Variants in MMP16 observed in about 807,000 individuals in gnomAD.
MMP16 encodes the protein matrix metalloproteinase-16.
In MMP16, 12 loss-of-function variants were observed where a neutral mutation model predicts 67.8. The ratio of observed to expected loss-of-function variants is 0.18; its 90% CI spans 0.11 to 0.29. The LOEUF (loss-of-function observed/expected upper bound fraction) is 0.29. Among genes scored for constraint, MMP16 ranks in the 10% least tolerant of loss-of-function variants. MMP16 has a pLI of 1.00. For missense variants in MMP16, 475 were observed against 765.7 expected (o/e 0.62, Z 4.48); for synonymous variants, 249 against 255.9 (o/e 0.97, Z 0.26).
chr8:88,185,788 A>C (rs1420403675), intron 3 of MMP16, among the ~76,000 whole-genome samples: 1 of 152,062 alleles, frequency 6.6e-6, no homozygotes, highest in East Asian at 1.9e-4. Context: ...TTTCTCTTGC[A>C]TCCTGTCCTT....
rs564606682 is a variant in MMP16 at position 88,233,577 on chromosome 8, C to A, written c.133-36271G>T. On this transcript the variant is annotated intron_variant, in intron 1 of 9. Transcript: ENST00000286614. ...TGATTCCACTAACCAGATACAAAGTCATTTTGTTTTAATTCCAAGAGCACA... is the reference window on the plus strand; with the variant it reads ...TGATTCCACTAACCAGATACAAAGTAATTTTGTTTTAATTCCAAGAGCACA... Among the ~76,000 whole-genome samples, 14 of 152,294 alleles carry A rather than the reference C, an allele frequency of 9.2e-5. No individual in the cohort carries two copies. The South Asian group carries it at 2.9e-3, about 32-fold the overall frequency.
intron 1 of MMP16, among the ~76,000 whole-genome samples, chr8:88,299,015 T>C (rs1811057765): frequency 2.0e-5 from 3 of 152,132 alleles, no homozygotes; most frequent in Admixed American, 2.0e-4. Context: ...TTTTTCTTTT[T>C]GGAATTCATC....
intron 7 of MMP16, among the ~76,000 whole-genome samples, chr8:88,068,910 C>A (rs1808498991): frequency 1.3e-5 from 2 of 152,176 alleles, no homozygotes; most frequent in Admixed American, 1.3e-4. Flanking sequence ...CCATGTTGGC[C>A]AGGCTGGTCT....
chr8:88,043,864 A>G (rs1808165380), intron 9 of MMP16, among the ~76,000 whole-genome samples: 1 of 152,340 alleles, frequency 6.6e-6, no homozygotes, highest in Admixed American at 6.5e-5. Context: ...GGCCTGCCAA[A>G]TAACAGTACA....
chr8:88,154,617 A>C (rs1368957799), intron 4 of MMP16, among the ~76,000 whole-genome samples: 1 of 151,520 alleles, frequency 6.6e-6, no homozygotes, highest in Non-Finnish European at 1.5e-5. Context: ...TATCGCAAGA[A>C]CAAAAAACCA....
chr8:88,316,942 A>G (rs185561203), intron 1 of MMP16, among the ~76,000 whole-genome samples: 422 of 152,264 alleles, frequency 2.8e-3, no homozygotes, highest in Non-Finnish European at 4.4e-3. Context: ...CCTGTCGATG[A>G]CTCTGAGGGA....
intron 1 of MMP16, among the ~76,000 whole-genome samples, chr8:88,304,157 A>C (rs988571878): frequency 1.3e-5 from 2 of 152,244 alleles, no homozygotes; most frequent in African/African-American, 4.8e-5. Context: ...TGCAATCACA[A>C]GTATCAACAG....
At chr8:88,113,901 C>T (rs1378578046) in intron 6 of MMP16, among the ~76,000 whole-genome samples, 1 of 151,988 alleles carries the variant, frequency 6.6e-6, no homozygotes, top group African/African-American at 2.4e-5. Flanking sequence ...TTCTTGAATA[C>T]TTACCATTTC....
chr8:88,302,826 C>T (rs1286604006), intron 1 of MMP16, among the ~76,000 whole-genome samples: 1 of 152,178 alleles, frequency 6.6e-6, no homozygotes, highest in Non-Finnish European at 1.5e-5. Context: ...CAGGTTCTCG[C>T]ACTGGCACTG....
At chr8:88,285,101 G>A (rs1303944843) in intron 1 of MMP16, among the ~76,000 whole-genome samples, 2 of 151,986 alleles carry the variant, frequency 1.3e-5, no homozygotes, top group Non-Finnish European at 2.9e-5. Flanking sequence ...AATCCCAGCA[G>A]GGACAAGAAC....
chr8:88,119,686 C>T (rs1206335987), intron 4 of MMP16, among the ~76,000 whole-genome samples: 2 of 151,944 alleles, frequency 1.3e-5, no homozygotes, highest in East Asian at 1.9e-4. Context: ...TCATCATAAC[C>T]ATATGCATTA....
rs1297855396 is a variant in MMP16, at chr8:88,151,838, G to T, written c.709+15831C>A. Reference sequence around the variant, plus strand: ...CAAGAGCAAACACATTCAAAAGCTAGCAGAAGGCAAGAAATAACTAAAATC... The same window carrying T: ...CAAGAGCAAACACATTCAAAAGCTATCAGAAGGCAAGAAATAACTAAAATC... On this transcript the variant is annotated intron_variant, in intron 4 of 9. Transcript: ENST00000286614. Among the ~76,000 whole-genome samples the T allele has an allele frequency of 3.9e-5, 5 of 129,104 alleles. No individual in the cohort carries two copies. In the South Asian group the frequency reaches 8.5e-4, roughly 22 times the overall value. 84.7% of individuals were successfully genotyped at this position (129,104 alleles called of 152,430 possible). A position where few individuals can be genotyped will look rare whatever the true frequency, so the allele number is the denominator to read the frequency against.
chr8:88,164,601 T>C (rs1032456895), intron 4 of MMP16, among the ~76,000 whole-genome samples: 3 of 152,034 alleles, frequency 2.0e-5, no homozygotes, highest in African/African-American at 7.2e-5. Flanking sequence ...CCCTAATCTC[T>C]TGAAATTCTG....
rs118150708 is a variant in MMP16 at position 88,078,249 on chromosome 8, A to C, written c.1084-3506T>G. ...CAGTACTTATACATTACCAAACTGG[A>C]ATTCCTACTTAAACACCAATATTTC... On this transcript the variant is annotated intron_variant, in intron 6 of 9. Transcript: ENST00000286614. Among the ~76,000 whole-genome samples, 347 of 152,272 alleles carry C rather than the reference A, an allele frequency of 2.3e-3. 11 individuals are homozygous for C. The highest frequency in any genetic ancestry group is 0.016 in the Admixed American group (251 of 15,286).
rs1034735162 is a variant in MMP16 at position 88,149,266 on chromosome 8, C to G, written c.709+18403G>C. Among the ~76,000 whole-genome samples the G allele has an allele frequency of 1.9e-4, 29 of 152,308 alleles. No homozygotes were observed. In the East Asian group the frequency reaches 5.6e-3, roughly 29 times the overall value. On this transcript the variant is annotated intron_variant, in intron 4 of 9. Coordinates refer to ENST00000286614, the MANE Select transcript of MMP16 (RefSeq NM_005941.5). ...AGCAGTCTGAGATCAAACTGCAAGG[C>G]GGCAGCGAGGCTGGGTGAGGGGCGC...
At chr8:88,276,343 T>C (rs542139600) in intron 1 of MMP16, among the ~76,000 whole-genome samples, 3 of 152,154 alleles carry the variant, frequency 2.0e-5, no homozygotes, top group Non-Finnish European at 4.4e-5. Flanking sequence ...CTGCCAATAT[T>C]CTGTGGTCTT....
intron 4 of MMP16, among the ~76,000 whole-genome samples, chr8:88,153,352 T>C (rs1808443968): frequency 6.6e-6 from 1 of 151,926 alleles, no homozygotes; most frequent in Non-Finnish European, 1.5e-5. Context: ...CTTCACAGAA[T>C]TGGAAAAAAC....
intron 1 of MMP16, among the ~76,000 whole-genome samples, chr8:88,291,913 T>A (rs2130020114): frequency 6.6e-6 from 1 of 152,296 alleles, no homozygotes; most frequent in South Asian, 2.1e-4. Context: ...ATCCTCGTGT[T>A]AGTAGTACTG....
Position 88,100,039 on chromosome 8 carries a change from G to T in MMP16, c.1083+16468C>A, listed in dbSNP as rs191662197. The stretch of plus-strand genomic sequence containing the variant: ...AAAATTTTCTCCCATTCTGTAGGTT[G>T]CCTGTTCACTCTGATGGTAGTTTCT... On this transcript the variant is annotated intron_variant, in intron 6 of 9. Transcript: ENST00000286614. Among the ~76,000 whole-genome samples the T allele has an allele frequency of 1.1e-3, 161 of 151,992 alleles. 1 individual carries two copies. Among genetic ancestry groups the T allele is most frequent in the African/African-American group, 3.8e-3 (156 of 41,516 alleles).
Sources: allele counts gnomAD v4.1 joint callset (sites outside exome capture counted in the v4.1 genomes callset), GRCh38; gene constraint gnomAD v4.1.1; transcripts MANE v1.5; gene names NCBI Gene and HGNC (gene_info 2026-07-23, HGNC 2026-07-21).